Variants in CDH18 observed in about 807,000 individuals in gnomAD.
The protein encoded by CDH18 is cadherin 18.
In CDH18, 31 loss-of-function variants were observed where a neutral mutation model predicts 67.9. The observed-to-expected ratio is 0.46, with a 90% CI of 0.34 to 0.62. The LOEUF (loss-of-function observed/expected upper bound fraction) is 0.62, where lower values mean the gene tolerates loss of function less well. CDH18 is among the 20% of genes least tolerant of loss of function. CDH18 has a pLI of 0.01. For missense variants in CDH18, 890 were observed against 975.5 expected, an observed-to-expected ratio of 0.91 and a Z score of 1.17; for synonymous variants, 362 against 347.2, an observed-to-expected ratio of 1.04 and a Z score of -0.48.
intron 2 of CDH18, among the ~76,000 whole-genome samples, chr5:20,155,280 C>T (rs918335842): frequency 1.2e-4 from 18 of 151,986 alleles, no homozygotes; most frequent in African/African-American, 4.3e-4. Context: ...CTATTTTATC[C>T]TCTCAAAGCA....
intron 1 of CDH18, among the ~76,000 whole-genome samples, chr5:20,548,725 A>G (rs1228835409): frequency 1.3e-5 from 2 of 152,150 alleles, no homozygotes; most frequent in Non-Finnish European, 2.9e-5. Flanking sequence ...CTACATAACT[A>G]CTGCTAAACT....
intron 2 of CDH18, among the ~76,000 whole-genome samples, chr5:20,209,835 A>G (rs1003160153): frequency 6.6e-6 from 1 of 151,908 alleles, no homozygotes; most frequent in African/African-American, 2.4e-5. Context: ...TTTACACATT[A>G]TATGAATATG....
At chr5:19,562,450 AC>A (rs1275628244) in intron 8 of CDH18, among the ~76,000 whole-genome samples, 1 of 152,166 alleles carries the variant, frequency 6.6e-6, no homozygotes, top group Non-Finnish European at 1.5e-5. Context: ...AAGAAAGCAA[AC>A]AAAAAACAAA....
At chr5:19,761,489 T>A (rs919833098) in intron 3 of CDH18, among the ~76,000 whole-genome samples, 2 of 152,112 alleles carry the variant, frequency 1.3e-5, no homozygotes, top group Admixed American at 1.3e-4. Context: ...CTATCAGTGT[T>A]CTCCATACTA....
At chr5:19,748,005 C>CG (rs534226207) in intron 3 of CDH18, among the ~76,000 whole-genome samples, 300 of 146,112 alleles carry the variant, frequency 2.1e-3, no homozygotes, top group African/African-American at 6.2e-3. Context: ...CCCAGCTACT[C>CG]GGGGGGCTGA....
intron 2 of CDH18, among the ~76,000 whole-genome samples, chr5:19,945,563 T>C (rs1163393014): frequency 6.6e-6 from 1 of 152,180 alleles, no homozygotes; most frequent in South Asian, 2.1e-4. Flanking sequence ...CAGATTTTAG[T>C]ATTATTTGAC....
intron 2 of CDH18, among the ~76,000 whole-genome samples, chr5:20,046,652 G>A (rs1006922001): frequency 2.7e-5 from 4 of 148,548 alleles, no homozygotes; most frequent in African/African-American, 7.4e-5. Context: ...AATTTTATAT[G>A]TCTGTGTGAA....
intron 5 of CDH18, among the ~76,000 whole-genome samples, chr5:19,673,237 GA>G (rs1758995108): frequency 6.6e-6 from 1 of 151,990 alleles, no homozygotes; most frequent in Non-Finnish European, 1.5e-5. Context: ...AATATCATCA[GA>G]AACTAAACTA....
At chr5:19,662,673 T>A (rs1257295039) in intron 5 of CDH18, among the ~76,000 whole-genome samples, 1 of 152,022 alleles carries the variant, frequency 6.6e-6, no homozygotes, top group Non-Finnish European at 1.5e-5. Context: ...CAGCACTACA[T>A]CTGGCCTATT....
intron 5 of CDH18, among the ~76,000 whole-genome samples, chr5:19,653,719 G>C (rs1039420064): frequency 5.3e-5 from 8 of 152,106 alleles, no homozygotes; most frequent in Non-Finnish European, 1.2e-4. Flanking sequence ...GTCAAGCCTG[G>C]GCTTTCTGTC....
At chr5:19,985,715 GAGGGCCTAAAGTT>G (rs1226335307) in intron 1 of CDH18, among the ~76,000 whole-genome samples, 1 of 151,872 alleles carries the variant, frequency 6.6e-6, no homozygotes, top group Non-Finnish European at 1.5e-5. Flanking sequence ...TTAAGCACAT[GAGGGCCTAAAGTT>G]CTGTACTTAA....
intron 2 of CDH18, among the ~76,000 whole-genome samples, chr5:19,965,248 C>T (rs149870182): frequency 0.025 from 3,740 of 152,154 alleles, 52 homozygotes; most frequent in Non-Finnish European, 0.037. Context: ...TATAAAAACA[C>T]AAGTTTCAAT....
At chr5:19,896,078 C>T (rs1789297210) in intron 2 of CDH18, among the ~76,000 whole-genome samples, 1 of 151,980 alleles carries the variant, frequency 6.6e-6, no homozygotes, top group South Asian at 2.1e-4. Flanking sequence ...AGAGCTTGGT[C>T]GGACGCAGTG....
chr5:20,506,966 C>A (rs1327832561), intron 1 of CDH18, among the ~76,000 whole-genome samples: 1 of 152,158 alleles, frequency 6.6e-6, no homozygotes, highest in Non-Finnish European at 1.5e-5. Flanking sequence ...AGATAGGCAT[C>A]TTCTGATTAC....
intron 2 of CDH18, among the ~76,000 whole-genome samples, chr5:20,231,005 C>T (rs1004709350): frequency 1.3e-5 from 2 of 152,152 alleles, no homozygotes; most frequent in African/African-American, 4.8e-5. Flanking sequence ...GTCTGTCATA[C>T]AGGGCCCAAC....
chr5:19,662,504 G>A (rs189785209), intron 5 of CDH18, among the ~76,000 whole-genome samples: 3 of 152,106 alleles, frequency 2.0e-5, no homozygotes, highest in East Asian at 1.9e-4. Flanking sequence ...TGAAAAGTAC[G>A]TAATTGTACA....
chr5:19,873,512 A>G (rs893966489), intron 2 of CDH18, among the ~76,000 whole-genome samples: 2 of 152,222 alleles, frequency 1.3e-5, no homozygotes, highest in East Asian at 3.8e-4. Context: ...GGCACATAGA[A>G]TGAAATCCTT....
At chr5:20,086,774 C>G (rs374427165) in intron 2 of CDH18, among the ~76,000 whole-genome samples, 1 of 152,160 alleles carries the variant, frequency 6.6e-6, no homozygotes, top group South Asian at 2.1e-4. Flanking sequence ...AAGACTCTTT[C>G]TAAATACTAA....
intron 2 of CDH18, among the ~76,000 whole-genome samples, chr5:19,890,178 C>G (rs578190527): frequency 2.0e-5 from 3 of 152,188 alleles, no homozygotes; most frequent in Admixed American, 6.6e-5. Flanking sequence ...TGTGCTGTTA[C>G]AAGCTTCTGG....
Sources: gnomAD v4.1 joint callset for allele counts (sites outside exome capture counted in the v4.1 genomes callset) on GRCh38, gnomAD v4.1.1 for gene constraint, MANE v1.5 for transcripts, NCBI Gene and HGNC (gene_info 2026-07-23, HGNC 2026-07-21) for gene names.